Variants in SWT1 observed in about 807,000 individuals in gnomAD.
The protein encoded by SWT1 is transcriptional protein SWT1.
SWT1 carries 33 observed loss-of-function variants against 107.3 expected under a neutral mutation model. The ratio of observed to expected loss-of-function variants is 0.31; its 90% confidence interval spans 0.23 to 0.41. The LOEUF (loss-of-function observed/expected upper bound fraction) is 0.41, where lower values mean the gene tolerates loss of function less well. SWT1 is among the 10% of genes least tolerant of loss of function. The pLI is 1.00. For missense variants in SWT1, 898 were observed against 1,028.9 expected, an observed-to-expected ratio of 0.87 and a Z score of 1.74; for synonymous variants, 345 against 348.3, an observed-to-expected ratio of 0.99 and a Z score of 0.11.
intron 5 of SWT1, among the ~76,000 whole-genome samples, chr1:185,179,647 G>T (rs1298795134): frequency 6.6e-6 from 1 of 152,138 alleles, no homozygotes; most frequent in Non-Finnish European, 1.5e-5. Flanking sequence ...GCTCCTGGAT[G>T]AAAATTTTTC....
intron 16 of SWT1, chr1:185,264,402 A>G: frequency 1.0e-6 from 1 of 985,230 alleles, no homozygotes. Context: ...ACAAGTCCCC[A>G]AACAGCTTGA....
At chr1:185,242,547 C>T (rs74134446) in intron 16 of SWT1, among the ~76,000 whole-genome samples, 13 of 152,260 alleles carry the variant, frequency 8.5e-5, no homozygotes, top group African/African-American at 2.6e-4. Flanking sequence ...TTATTCCCAT[C>T]GCCCCTAGAG....
chr1:185,231,630 T>C lies in SWT1; in HGVS notation c.2363T>C (p.Ile788Thr), dbSNP rs1660514719. 3.1e-6 allele frequency: 5 copies of C among 1,603,970 alleles called. No homozygotes were observed. Among genetic ancestry groups the C allele is most frequent in the Admixed American group, 1.7e-5 (1 of 59,972 alleles). The change falls in exon 16 of 19, where the codon ATA (isoleucine) becomes ACA (threonine). Residue 788 changes from isoleucine to threonine, a missense_variant. Coordinates refer to ENST00000367500, the MANE Select transcript of SWT1 (RefSeq NM_017673.7). Reference sequence around the variant, plus strand: ...AATTCAGCTCTGACTACTTCAAATATAGCATCATTTGAAGAAGCATTTATA... The same window carrying C: ...AATTCAGCTCTGACTACTTCAAATACAGCATCATTTGAAGAAGCATTTATA... ...GSNSALTTSN[I>T]ASFEEAFICL...
rs1656071648 is a variant in SWT1, at chr1:185,182,132, A to G, written c.1138+75A>G. ...TAATGTGCCAATATTCAATTTTTAT[A>G]ATATTTAGATGAAAAATGTTAAAAT... On this transcript the variant is annotated intron_variant, in intron 7 of 18. Transcript: ENST00000367500. 2 of 1,430,210 alleles carry G rather than the reference A, an allele frequency of 1.4e-6. 1 individual carries two copies. Among genetic ancestry groups the G allele is most frequent in the South Asian group, 3.0e-5 (2 of 67,748 alleles). The allele number at this position is 1,430,210 out of a possible 1,614,324, so 88.6% of individuals were successfully genotyped here.
At chr1:185,229,184 T>A (rs1660316296) in intron 15 of SWT1, among the ~76,000 whole-genome samples, 1 of 152,122 alleles carries the variant, frequency 6.6e-6, no homozygotes, top group Non-Finnish European at 1.5e-5. Context: ...TTTAGGTGTG[T>A]ACTGTGATAA....
At chr1:185,232,788 A>G (rs978211245) in intron 16 of SWT1, among the ~76,000 whole-genome samples, 1 of 152,208 alleles carries the variant, frequency 6.6e-6, no homozygotes, top group African/African-American at 2.4e-5. Flanking sequence ...CACTTGTATT[A>G]TTAGCATATT....
chr1:185,246,269 A>G (rs537772609), intron 16 of SWT1, among the ~76,000 whole-genome samples: 7 of 152,014 alleles, frequency 4.6e-5, no homozygotes, highest in Admixed American at 1.3e-4. Context: ...GATTAGTATC[A>G]CATCCTTTAA....
chr1:185,221,980 G>T lies in SWT1; in HGVS notation c.2253G>T (p.Arg751Ser). 6.2e-7 allele frequency: 1 copy of T among 1,611,334 alleles called. No individual in the cohort carries two copies. Residue 751 changes from arginine to serine, a missense_variant, in exon 15 of 19, where the codon AGG becomes AGT. This residue lies in a region of SWT1 where 382 missense variants were observed against 460.0 expected (regional missense o/e 0.83). Transcript: ENST00000367500. ...GTTCTCATCTTCCCCAACCCAGCAG[G>T]CATCAAGAAATCTGGTCTATCCTAG... Reference protein sequence around the residue: ...FSSSHLPQPSRHQEIWSILES... With the variant: ...FSSSHLPQPSSHQEIWSILES...
chr1:185,205,079 A>T (rs895728743), intron 12 of SWT1, among the ~76,000 whole-genome samples: 5 of 150,356 alleles, frequency 3.3e-5, no homozygotes, highest in Admixed American at 3.3e-4. Flanking sequence ...TTGAGCAAAC[A>T]GATATTTATT....
At chr1:185,163,004 A>T (rs1322264727) in intron 2 of SWT1, among the ~76,000 whole-genome samples, 1 of 152,138 alleles carries the variant, frequency 6.6e-6, no homozygotes. Context: ...ATTGCTAAAA[A>T]AATGCTAAAG....
chr1:185,159,885 T>C (rs1161175069), intron 1 of SWT1, among the ~76,000 whole-genome samples: 5 of 151,990 alleles, frequency 3.3e-5, no homozygotes, highest in African/African-American at 1.2e-4. Context: ...CCACCACACC[T>C]GGTTAATTTT....
chr1:185,258,233 A>T (rs1185799058), intron 16 of SWT1, among the ~76,000 whole-genome samples: 3 of 152,170 alleles, frequency 2.0e-5, no homozygotes, highest in African/African-American at 7.2e-5. Context: ...TCAGATCCTG[A>T]ATATAGCAAG....
intron 10 of SWT1, among the ~76,000 whole-genome samples, chr1:185,202,121 C>A (rs532821286): frequency 6.6e-6 from 1 of 152,076 alleles, no homozygotes; most frequent in African/African-American, 2.4e-5. Flanking sequence ...TTTTTAATGC[C>A]CTTGTCGTTC....
At position 185,284,478 on chromosome 1, in the gene SWT1, C is replaced by T. The variant is rs148971872; in HGVS notation, c.2574-6196C>T. Among the ~76,000 whole-genome samples the T allele has an allele frequency of 3.9e-4, 60 of 152,270 alleles. 1 individual carries two copies. The East Asian group carries it at 0.011, about 27-fold the overall frequency. On this transcript the variant is annotated intron_variant, in intron 18 of 18. Transcript: ENST00000367500. ...TGACCTAAAAGGAAGAGTTGAGGCACAAAATATAATTTAAAGAGTTTACTT... is the reference window on the plus strand; with the variant it reads ...TGACCTAAAAGGAAGAGTTGAGGCATAAAATATAATTTAAAGAGTTTACTT...
At chr1:185,265,328 C>T (rs1663295802) in intron 16 of SWT1, among the ~76,000 whole-genome samples, 1 of 152,082 alleles carries the variant, frequency 6.6e-6, no homozygotes, top group African/African-American at 2.4e-5. Flanking sequence ...GGCTAGCTCT[C>T]ATTTGCATAG....
intron 4 of SWT1, among the ~76,000 whole-genome samples, chr1:185,170,025 C>G (rs1654912902): frequency 6.6e-6 from 1 of 152,154 alleles, no homozygotes; most frequent in African/African-American, 2.4e-5. Context: ...AGAGAAAATG[C>G]TAGAGCCGTT....
intron 15 of SWT1, chr1:185,227,367 T>C (rs1297656024): frequency 2.8e-6 from 2 of 718,814 alleles, no homozygotes; most frequent in East Asian, 2.6e-5. Flanking sequence ...GCCAAACCTA[T>C]TGAGAAGCCT....
chr1:185,193,101 T>C (rs891136454), intron 10 of SWT1, among the ~76,000 whole-genome samples: 12 of 152,206 alleles, frequency 7.9e-5, no homozygotes, highest in African/African-American at 2.7e-4. Flanking sequence ...ATTTTCGTTC[T>C]ATTCAATATA....
chr1:185,163,189 C>G (rs897654760), intron 2 of SWT1, among the ~76,000 whole-genome samples: 3 of 152,046 alleles, frequency 2.0e-5, no homozygotes, highest in Non-Finnish European at 4.4e-5. Context: ...AGATTGATCT[C>G]TGTAGCATGC....
Sources: allele counts gnomAD v4.1 joint callset (sites outside exome capture counted in the v4.1 genomes callset), GRCh38; gene constraint gnomAD v4.1.1; regional missense constraint gnomAD v4.1.1; transcripts MANE v1.5; gene names NCBI Gene and HGNC (gene_info 2026-07-23, HGNC 2026-07-21).